Variants in PRKCE observed in about 807,000 individuals in gnomAD.
PRKCE encodes the protein protein kinase C epsilon, also known as protein kinase C epsilon type.
In PRKCE, 16 loss-of-function variants were observed where a neutral mutation model predicts 85.4. The ratio of observed to expected loss-of-function variants is 0.19; its 90% CI spans 0.13 to 0.28. The LOEUF is 0.28. PRKCE is among the 10% of genes least tolerant of loss of function. PRKCE has a pLI of 1.00. For missense variants in PRKCE, 573 were observed against 975.2 expected (o/e 0.59, Z 5.49); for synonymous variants, 388 against 371.5 (o/e 1.04, Z -0.51).
chr2:45,933,865 G>A (rs1211223127), intron 2 of PRKCE, among the ~76,000 whole-genome samples: 2 of 152,192 alleles, frequency 1.3e-5, no homozygotes. Context: ...CAGCACTGTA[G>A]TAAAATCATG....
At chr2:45,962,527 C>G (rs80174669) in intron 2 of PRKCE, among the ~76,000 whole-genome samples, 1,902 of 152,294 alleles carry the variant, frequency 0.012, 43 homozygotes, top group East Asian at 0.099. Flanking sequence ...TTCATTTTCT[C>G]CAAATGGAAG....
intron 1 of PRKCE, among the ~76,000 whole-genome samples, chr2:45,793,246 T>A (rs967216569): frequency 6.6e-6 from 1 of 152,206 alleles, no homozygotes; most frequent in Non-Finnish European, 1.5e-5. Context: ...TTTGGGCGAA[T>A]GGGGAAAATG....
chr2:45,835,090 GT>G (rs1432641111), intron 1 of PRKCE, among the ~76,000 whole-genome samples: 4 of 152,204 alleles, frequency 2.6e-5, no homozygotes, highest in Admixed American at 6.5e-5. Context: ...ACACAGGTAG[GT>G]GTACATTATG....
chr2:45,879,482 C>G (rs1694722372), intron 2 of PRKCE, among the ~76,000 whole-genome samples: 1 of 152,238 alleles, frequency 6.6e-6, no homozygotes, highest in Admixed American at 6.5e-5. Flanking sequence ...AGAGGGTCCA[C>G]TGAGCTATTA....
chr2:45,767,671 A>G (rs977335150), intron 1 of PRKCE, among the ~76,000 whole-genome samples: 1 of 152,214 alleles, frequency 6.6e-6, no homozygotes, highest in East Asian at 1.9e-4. Flanking sequence ...CGGCCTTACA[A>G]AGAATGTGCC....
intron 1 of PRKCE, among the ~76,000 whole-genome samples, chr2:45,752,802 G>T (rs1049285388): frequency 5.3e-5 from 8 of 152,146 alleles, no homozygotes; most frequent in Non-Finnish European, 1.2e-4. Flanking sequence ...TTGCCAGCCA[G>T]CCACAGCCAG....
At chr2:46,110,236 A>G (rs926638793) in intron 11 of PRKCE, among the ~76,000 whole-genome samples, 14 of 152,148 alleles carry the variant, frequency 9.2e-5, no homozygotes, top group African/African-American at 1.7e-4. Context: ...TTTTGCTTCT[A>G]TATTCTGGAA....
chr2:45,677,581 C>T (rs1451770830), intron 1 of PRKCE, among the ~76,000 whole-genome samples: 2 of 152,148 alleles, frequency 1.3e-5, no homozygotes, highest in South Asian at 2.1e-4. Context: ...TGGTCTCGAT[C>T]TCCTGACCTC....
chr2:45,969,245 T>C (rs1562651), intron 2 of PRKCE, among the ~76,000 whole-genome samples: 124,783 of 151,476 alleles, frequency 0.82, 51,952 homozygotes, highest in East Asian at 0.97. Flanking sequence ...TCCATTTCCA[T>C]AGAGAGTTTC....
At chr2:46,087,733 A>G (rs539896929) in intron 11 of PRKCE, among the ~76,000 whole-genome samples, 2 of 152,318 alleles carry the variant, frequency 1.3e-5, no homozygotes, top group African/African-American at 4.8e-5. Context: ...ACTTACCTAC[A>G]TGCCCTGGTC....
intron 6 of PRKCE, among the ~76,000 whole-genome samples, chr2:45,988,645 A>C (rs888738720): frequency 1.3e-5 from 2 of 152,100 alleles, no homozygotes; most frequent in Non-Finnish European, 2.9e-5. Flanking sequence ...GAGCAGGCAA[A>C]ATAGTTCATT....
At chr2:45,952,743 A>G (rs1354603395) in intron 2 of PRKCE, among the ~76,000 whole-genome samples, 1 of 152,264 alleles carries the variant, frequency 6.6e-6, no homozygotes. Context: ...TGGGAGGGCC[A>G]TTGACATGCA....
chr2:45,696,064 A>G (rs973828622), intron 1 of PRKCE, among the ~76,000 whole-genome samples: 104 of 148,546 alleles, frequency 7.0e-4, no homozygotes, highest in Non-Finnish European at 1.2e-3. Context: ...AGCATTAGGT[A>G]TATCTCCTAA....
chr2:46,179,458 C>G (rs1438617090), intron 14 of PRKCE, among the ~76,000 whole-genome samples: 4 of 152,186 alleles, frequency 2.6e-5, no homozygotes, highest in Admixed American at 2.6e-4. Context: ...ACCTGAAACT[C>G]TTATTTCCTC....
intron 2 of PRKCE, among the ~76,000 whole-genome samples, chr2:45,940,042 C>T (rs771871239): frequency 1.3e-5 from 2 of 152,300 alleles, no homozygotes; most frequent in East Asian, 3.9e-4. Flanking sequence ...GCTTAGTTGA[C>T]CTGATGTTTT....
rs568052976 is a variant in PRKCE, at chr2:45,793,078, C to T, written c.349-49922C>T. ...CCTCCCAAAGAGCTGGGATTACAGG[C>T]GTGAGCCACCCTACCCAGCCTAATT... On this transcript the variant is annotated intron_variant, in intron 1 of 14. Transcript: ENST00000306156. Among the ~76,000 whole-genome samples the T allele has an allele frequency of 9.0e-3, 1,367 of 152,330 alleles. 14 individuals carry two copies. The highest frequency in any genetic ancestry group is 0.014 in the Middle Eastern group (4 of 294).
chr2:45,875,250 A>G (rs909024815), intron 2 of PRKCE, among the ~76,000 whole-genome samples: 1 of 152,236 alleles, frequency 6.6e-6, no homozygotes, highest in African/African-American at 2.4e-5. Context: ...ACCATTATAC[A>G]CTTGAACCCA....
chr2:46,104,297 T>TTTTTTTTTG lies in PRKCE; in HGVS notation c.1592+17943_1592+17944insGTTTTTTTT, dbSNP rs1491359167. On this transcript the variant is annotated intron_variant, in intron 11 of 14. Transcript: ENST00000306156. The stretch of plus-strand genomic sequence containing the variant: ...TATCTTGAAACCCTTCACCTTGTAC[T>TTTTTTTTTG]TTTTTTTTTTTTTTTTTGCCATATC... Among the ~76,000 whole-genome samples, 19 of 22,206 alleles carry TTTTTTTTTG rather than the reference T, an allele frequency of 8.6e-4. No individual in the cohort carries two copies. The East Asian group carries it at 0.017, about 20-fold the overall frequency. 14.6% of individuals were successfully genotyped at this position (22,206 alleles called of 152,430 possible). A position where few individuals can be genotyped will look rare whatever the true frequency, so the allele number is the denominator to read the frequency against.
intron 1 of PRKCE, among the ~76,000 whole-genome samples, chr2:45,812,008 C>A (rs7593800): frequency 6.6e-6 from 1 of 152,026 alleles, no homozygotes; most frequent in Non-Finnish European, 1.5e-5. Context: ...ACTCTTGGCA[C>A]TGTCTGTAGT....
Sources: gnomAD v4.1 joint callset for allele counts (sites outside exome capture counted in the v4.1 genomes callset) on GRCh38, gnomAD v4.1.1 for gene constraint, MANE v1.5 for transcripts, NCBI Gene and HGNC (gene_info 2026-07-23, HGNC 2026-07-21) for gene names.